The following MYCBP2 variants were observed in gnomAD, a reference collection of about 807,000 sequenced individuals.
The protein encoded by MYCBP2 is MYC binding protein 2, also known as E3 ubiquitin-protein ligase MYCBP2.
In MYCBP2, 120 loss-of-function variants were observed where a neutral mutation model predicts 525.3. The ratio of observed to expected loss-of-function variants is 0.23; its 90% CI spans 0.20 to 0.27. The LOEUF (loss-of-function observed/expected upper bound fraction) is 0.27. MYCBP2 is among the 10% of genes least tolerant of loss of function. The pLI, the probability that MYCBP2 is intolerant of heterozygous loss-of-function variation, is 1.00. For synonymous variants in MYCBP2, 1,894 were observed against 1,955.8 expected (o/e 0.97, Z 0.83); for missense variants, 4,149 against 5,657.1 (o/e 0.73, Z 8.55).
intron 1 of MYCBP2, among the ~76,000 whole-genome samples, chr13:77,322,613 C>T (rs949052140): frequency 1.1e-4 from 17 of 152,174 alleles, no homozygotes; most frequent in African/African-American, 3.4e-4. Flanking sequence ...TTACCAGGTG[C>T]GGACATAATG....
chr13:77,227,893 G>A (rs2066525177), intron 18 of MYCBP2, among the ~76,000 whole-genome samples: 1 of 152,104 alleles, frequency 6.6e-6, no homozygotes, highest in African/African-American at 2.4e-5. Flanking sequence ...CTGTTATTTA[G>A]AGGTCAAAAT....
intron 48 of MYCBP2, among the ~76,000 whole-genome samples, chr13:77,144,956 A>G (rs2055285006): frequency 6.6e-6 from 1 of 152,166 alleles, no homozygotes; most frequent in Non-Finnish European, 1.5e-5. Context: ...CAACATTTTT[A>G]TGCTGCAATC....
At chr13:77,099,495 T>C (rs368825757) in intron 55 of MYCBP2, 1 of 178,664 alleles carries the variant, frequency 5.6e-6, no homozygotes, top group Non-Finnish European at 1.2e-5. Flanking sequence ...AATTTATGCA[T>C]AGACACAATT....
rs761962486 is a variant in MYCBP2 at position 77,058,242 on chromosome 13, C to T, written c.13305G>A (p.Ala4435=). The T allele has an allele frequency of 1.1e-5, 17 of 1,613,960 alleles. No homozygotes were observed. The highest frequency in any genetic ancestry group is 1.3e-5 in the African/African-American group (1 of 75,032). ...DDMCMICFTE[A]LSAAPAIQLD... is the part of the protein sequence containing the mutation. ...CCTGAATGGCTGGTGCTGCCGAGAGCGCTTCGGTGAAACATATCATGCACA... is the reference window on the plus strand; with the variant it reads ...CCTGAATGGCTGGTGCTGCCGAGAGTGCTTCGGTGAAACATATCATGCACA... Residue 4435 remains alanine (A), a synonymous_variant, in exon 78 of 83, where the codon GCG becomes GCA. Coordinates refer to ENST00000544440, the MANE Select transcript of MYCBP2 (RefSeq NM_015057.5). The surrounding 1 kb of genome is among the most constrained non-coding windows in gnomAD (Gnocchi z 4.1).
Position 77,091,429 on chromosome 13 carries a change from C to CAA in MYCBP2, c.10368-1168_10368-1167dup, listed in dbSNP as rs770244232. Among the ~76,000 whole-genome samples the CAA allele has an allele frequency of 7.4e-4, 95 of 129,114 alleles. 1 individual carries two copies. Among genetic ancestry groups the CAA allele is most frequent in the Middle Eastern group, 7.6e-3 (2 of 262 alleles). 84.7% of individuals were successfully genotyped at this position (129,114 alleles called of 152,430 possible). On this transcript the variant is annotated intron_variant, in intron 59 of 82. Transcript: ENST00000544440. ...ACAAATTTAAAAAGTGACTTTTTACCAAAAAAAAAAAAAAATTGCTTGTGA... is the reference window on the plus strand; with the variant it reads ...ACAAATTTAAAAAGTGACTTTTTACCAAAAAAAAAAAAAAAAATTGCTTGTGA...
At chr13:77,307,433 C>G (rs530334406) in intron 1 of MYCBP2, among the ~76,000 whole-genome samples, 10 of 151,396 alleles carry the variant, frequency 6.6e-5, no homozygotes, top group Middle Eastern at 3.4e-3. Flanking sequence ...TGGTCCTGGC[C>G]TGGGCAACAT....
At chr13:77,147,572 C>T (rs563519821) in intron 47 of MYCBP2, among the ~76,000 whole-genome samples, 27 of 152,160 alleles carry the variant, frequency 1.8e-4, no homozygotes, top group African/African-American at 6.0e-4. Context: ...TCTCTCTACC[C>T]TTTTTGTTTT....
rs1257729939 is a variant in MYCBP2, at chr13:77,077,309, A to T, written c.11563T>A (p.Leu3855Ile). ...GGDNHIIKIE[L>I]KGPENTLRVR... ...CTCAGTGTATTTTCTGGGCCTTTTA[A>T]TTCAATTTTTATGATGTGATTATCC... Residue 3855 changes from leucine (L) to isoleucine (I), a missense_variant, in exon 67 of 83, where the codon TTA (leucine) becomes ATA (isoleucine). Coordinates refer to ENST00000544440, the MANE Select transcript of MYCBP2 (RefSeq NM_015057.5). The T allele has an allele frequency of 1.9e-6, 3 of 1,613,838 alleles. No homozygotes were observed. The highest frequency in any genetic ancestry group is 2.5e-6 in the Non-Finnish European group (3 of 1,179,948).
intron 43 of MYCBP2, 74 bp downstream of exon 43, chr13:77,164,380 T>C (rs1461751898): frequency 7.7e-6 from 7 of 910,504 alleles, no homozygotes; most frequent in Middle Eastern, 2.1e-4. Flanking sequence ...GCAAATCTAT[T>C]TTTGGCCCTT....
At chr13:77,265,470 G>A (rs966679388) in intron 8 of MYCBP2, among the ~76,000 whole-genome samples, 3 of 152,010 alleles carry the variant, frequency 2.0e-5, no homozygotes, top group Middle Eastern at 3.2e-3. Context: ...AAGATAAGCC[G>A]AGGTTTAAAG....
At chr13:77,277,249 T>G (rs950048557) in intron 4 of MYCBP2, among the ~76,000 whole-genome samples, 2 of 152,156 alleles carry the variant, frequency 1.3e-5, no homozygotes, top group African/African-American at 4.8e-5. Context: ...AGCAAAATAT[T>G]GTTAAATAAA....
Position 77,146,183 on chromosome 13 carries a change from A to G in MYCBP2, c.7166T>C (p.Phe2389Ser), listed in dbSNP as rs2154189132. 2 of 1,599,246 alleles carry G rather than the reference A, an allele frequency of 1.3e-6. No homozygotes were observed. The highest frequency in any genetic ancestry group is 1.7e-4 in the Middle Eastern group (1 of 6,014). Residue 2389 changes from phenylalanine (F) to serine (S), a missense_variant, in exon 48 of 83, where the codon TTT becomes TCT. Phe to Ser is a radical substitution (Grantham distance 155). Coordinates refer to ENST00000544440, the MANE Select transcript of MYCBP2 (RefSeq NM_015057.5). ...YENYSFEELR[F>S]ASPTPKRPSE... ...TTACCTCTTAGGAGTTGGTGATGCA[A>G]AACGTAGTTCTTCAAATGAATAATT... is the stretch of plus-strand genomic sequence containing the variant.
intron 58 of MYCBP2, among the ~76,000 whole-genome samples, chr13:77,093,636 T>C (rs893610850): frequency 3.9e-5 from 6 of 152,156 alleles, no homozygotes; most frequent in African/African-American, 1.4e-4. Context: ...AGCTAAAATA[T>C]TTCCAGTGTT....
In MYCBP2 at chr13:77,083,206, T is replaced by A; in HGVS notation, c.10876-14A>T. The A allele has an allele frequency of 6.2e-7, 1 of 1,609,294 alleles. No homozygotes were observed. The highest frequency in any genetic ancestry group is 2.2e-5 in the East Asian group (1 of 44,770). ...TGTATCTTTCTCCTAAGGCAGAAATTGAAACAAGTTTATCAGTTTGTGTGC... is the reference window on the plus strand; with the variant it reads ...TGTATCTTTCTCCTAAGGCAGAAATAGAAACAAGTTTATCAGTTTGTGTGC... On this transcript the variant is annotated splice_polypyrimidine_tract_variant and intron_variant, in intron 62 of 82. Transcript: ENST00000544440.
At chr13:77,134,494 A>C (rs547020886) in intron 52 of MYCBP2, among the ~76,000 whole-genome samples, 1 of 152,250 alleles carries the variant, frequency 6.6e-6, no homozygotes, top group African/African-American at 2.4e-5. Flanking sequence ...AGATCGTGCC[A>C]CTGAACTCCA....
At chr13:77,121,707 A>C (rs781571850) in intron 54 of MYCBP2, among the ~76,000 whole-genome samples, 12 of 152,212 alleles carry the variant, frequency 7.9e-5, no homozygotes, top group Non-Finnish European at 1.6e-4. Context: ...TACACAGTGA[A>C]ATTTAGAAAT....
intron 7 of MYCBP2, among the ~76,000 whole-genome samples, chr13:77,269,594 C>CT (rs2074595340): frequency 6.6e-6 from 1 of 152,002 alleles, no homozygotes; most frequent in Non-Finnish European, 1.5e-5. Flanking sequence ...CCACTCCACT[C>CT]TAACCTGGGT....
intron 61 of MYCBP2, among the ~76,000 whole-genome samples, chr13:77,088,148 G>A (rs375109692): frequency 6.6e-6 from 1 of 151,604 alleles, no homozygotes; most frequent in African/African-American, 2.4e-5. Context: ...ATAATTTGGG[G>A]TTTTAATTTA....
At chr13:77,113,225 A>G (rs1489493339) in intron 55 of MYCBP2, among the ~76,000 whole-genome samples, 3 of 152,146 alleles carry the variant, frequency 2.0e-5, no homozygotes, top group African/African-American at 7.2e-5. Context: ...CAACACTCTG[A>G]GTAGGACCTG....
Sources: gnomAD v4.1 joint callset for allele counts (sites outside exome capture counted in the v4.1 genomes callset) on GRCh38, gnomAD v4.1.1 for gene constraint, Gnocchi (gnomAD v3.1) non-coding constraint, MANE v1.5 for transcripts, NCBI Gene and HGNC (gene_info 2026-07-23, HGNC 2026-07-21) for gene names.